Variants in SEM1 observed in about 807,000 individuals in gnomAD.
SEM1 encodes SEM1 26S proteasome subunit.
SEM1 carries 3 observed loss-of-function variants against 12.7 expected under a neutral mutation model. That is an observed-to-expected ratio of 0.24 (90% confidence interval 0.11 to 0.61). SEM1 has a LOEUF of 0.61. SEM1 is among the 20% of genes least tolerant of loss of function. SEM1 has a pLI of 0.88. For missense variants in SEM1, 59 were observed against 81.3 expected, an observed-to-expected ratio of 0.73 and a Z score of 1.06; for synonymous variants, 30 against 27.8, an observed-to-expected ratio of 1.08 and a Z score of -0.25.
At chr7:96,635,655 C>T (rs79607313) in intron 2 of SEM1, among the ~76,000 whole-genome samples, 3,367 of 152,142 alleles carry the variant, frequency 0.022, 110 homozygotes, top group African/African-American at 0.077. Flanking sequence ...GAGAGCACTA[C>T]CTAGCTTGAA....
At chr7:96,659,842 C>T (rs1788931490) in intron 2 of SEM1, among the ~76,000 whole-genome samples, 1 of 143,098 alleles carries the variant, frequency 7.0e-6, no homozygotes, top group Non-Finnish European at 1.5e-5. Flanking sequence ...ACCAAGCCCC[C>T]CAAAAGGCAA....
At chr7:96,673,496 CT>C in exon 3 of SEM1, 1 of 425,676 alleles carries the variant, frequency 2.3e-6, no homozygotes, top group East Asian at 3.7e-5. Flanking sequence ...AAGTAAGCCC[CT>C]GTTATGTAGC....
chr7:96,612,581 C>T (rs922631743), intron 2 of SEM1, among the ~76,000 whole-genome samples: 4 of 152,126 alleles, frequency 2.6e-5, no homozygotes, highest in Non-Finnish European at 5.9e-5. Context: ...ATCAGAATCT[C>T]GAGTTGAGAG....
At chr7:96,549,439 CT>C (rs1805198856) in intron 2 of SEM1, among the ~76,000 whole-genome samples, 1 of 152,148 alleles carries the variant, frequency 6.6e-6, no homozygotes, top group South Asian at 2.1e-4. Context: ...AGAAACTTAC[CT>C]TGAGGCAGAT....
chr7:96,483,958 G>A (rs113817427), exon 4 of SEM1: 10 of 1,532,574 alleles, frequency 6.5e-6, no homozygotes, highest in South Asian at 3.6e-5. Flanking sequence ...ATGGTGGGGG[G>A]CTCAGTGGAG....
chr7:96,659,924 A>AAAAC (rs993864458), intron 2 of SEM1, among the ~76,000 whole-genome samples: 6 of 148,490 alleles, frequency 4.0e-5, no homozygotes, highest in East Asian at 1.9e-4. Context: ...AAAAAAAAAA[A>AAAAC]AAAAAACAAA....
At chr7:96,522,822 C>T (rs1007227007) in intron 2 of SEM1, among the ~76,000 whole-genome samples, 6 of 131,878 alleles carry the variant, frequency 4.5e-5, no homozygotes, top group Admixed American at 1.8e-4. Flanking sequence ...ACCTGGGAGG[C>T]GGAGGTTGCA....
At chr7:96,591,421 AC>A in intron 2 of SEM1, among the ~76,000 whole-genome samples, 1 of 152,210 alleles carries the variant, frequency 6.6e-6, no homozygotes, top group Non-Finnish European at 1.5e-5. Context: ...CCTCCCTCTA[AC>A]AGAGTTAAAA....
intron 2 of SEM1, among the ~76,000 whole-genome samples, chr7:96,604,405 G>T (rs1429664319): frequency 2.6e-5 from 4 of 152,098 alleles, no homozygotes; most frequent in Non-Finnish European, 5.9e-5. Context: ...GATAACCTCT[G>T]ATGTCCCTAG....
chr7:96,558,246 C>T, intron 2 of SEM1: 1 of 152,996 alleles, frequency 6.5e-6, no homozygotes. Flanking sequence ...CCAGCTGATG[C>T]ATGTCCATGG....
Position 96,504,141 on chromosome 7 carries a change from T to G in SEM1, c.*60+2482A>C, listed in dbSNP as rs763432514. On this transcript the variant is annotated intron_variant and NMD_transcript_variant, in intron 3 of 3. Transcript: ENST00000466986. ...TATCTTGAGTACAACTTCAGGGAAT[T>G]TGAAGACTTTCTGAAGTCCATCTCA... Among the ~76,000 whole-genome samples, 11 of 152,168 alleles carry G rather than the reference T, an allele frequency of 7.2e-5. 1 individual carries two copies. The highest frequency in any genetic ancestry group is 3.2e-3 in the Middle Eastern group (1 of 316).
chr7:96,635,074 G>A (rs554825356), intron 2 of SEM1, among the ~76,000 whole-genome samples: 1 of 152,132 alleles, frequency 6.6e-6, no homozygotes, highest in East Asian at 1.9e-4. Flanking sequence ...ATAAAGTAGG[G>A]GTAGTGAAGT....
At chr7:96,663,415 G>A (rs1789072649) in intron 2 of SEM1, among the ~76,000 whole-genome samples, 1 of 152,198 alleles carries the variant, frequency 6.6e-6, no homozygotes, top group African/African-American at 2.4e-5. Flanking sequence ...GAGATTTGCT[G>A]GGGACAGCAC....
intron 2 of SEM1, among the ~76,000 whole-genome samples, chr7:96,584,532 A>G (rs932107261): frequency 4.8e-4 from 73 of 152,092 alleles, no homozygotes; most frequent in African/African-American, 1.7e-3. Flanking sequence ...TAGATTGGGG[A>G]AGTTCTCCTG....
chr7:96,562,818 A>G (rs1166471531), intron 2 of SEM1, among the ~76,000 whole-genome samples: 4 of 152,176 alleles, frequency 2.6e-5, no homozygotes, highest in Non-Finnish European at 5.9e-5. Flanking sequence ...GAGTGCCACC[A>G]TGCGTGGCTC....
At chr7:96,489,361 G>T (rs1228615597) in intron 1 of SEM1, among the ~76,000 whole-genome samples, 1 of 152,086 alleles carries the variant, frequency 6.6e-6, no homozygotes, top group Admixed American at 6.6e-5. Context: ...CCTACCCCTA[G>T]AATTTTTAAT....
chr7:96,567,200 A>C (rs1001903564), intron 2 of SEM1, among the ~76,000 whole-genome samples: 1 of 151,572 alleles, frequency 6.6e-6, no homozygotes, highest in Non-Finnish European at 1.5e-5. Flanking sequence ...CTTATCCAAT[A>C]AAAGGTATAT....
intron 2 of SEM1, among the ~76,000 whole-genome samples, chr7:96,579,933 A>C (rs937724787): frequency 7.3e-6 from 1 of 136,948 alleles, no homozygotes; most frequent in African/African-American, 2.6e-5. Context: ...AAAAAATTTA[A>C]AACCTATTTC....
At chr7:96,523,773 C>G (rs564532287) in intron 2 of SEM1, among the ~76,000 whole-genome samples, 2 of 152,274 alleles carry the variant, frequency 1.3e-5, no homozygotes, top group Admixed American at 6.5e-5. Flanking sequence ...CAACTCCAAA[C>G]TCAACTACCC....
Sources: gnomAD v4.1 joint callset for allele counts (sites outside exome capture counted in the v4.1 genomes callset) on GRCh38, gnomAD v4.1.1 for gene constraint, MANE v1.5 for transcripts, NCBI Gene and HGNC (gene_info 2026-07-23, HGNC 2026-07-21) for gene names.